The following ABCB5 variants were observed in gnomAD, a reference collection of about 807,000 sequenced individuals.
The protein encoded by ABCB5 is ATP-binding cassette sub-family B member 5.
A neutral mutation model predicts 144.2 loss-of-function variants in ABCB5; 155 were observed. That is an observed-to-expected ratio of 1.08 (90% confidence interval 0.94 to 1.23). The LOEUF is 1.23. Ranked by LOEUF, ABCB5 falls within the 50% of genes most tolerant of loss-of-function variation. The pLI is 0.00. For synonymous variants in ABCB5, 610 were observed against 528.6 expected, an observed-to-expected ratio of 1.15 and a Z score of -2.11; for missense variants, 1,830 against 1,520.8, an observed-to-expected ratio of 1.20 and a Z score of -3.38.
chr7:20,643,414 A>T, intron 6 of ABCB5, 39 bp downstream of exon 6: 1 of 1,613,312 alleles, frequency 6.2e-7, no homozygotes, highest in South Asian at 1.1e-5. Flanking sequence ...CTTTGTTTTC[A>T]TATGTGACAT....
Position 20,621,288 on chromosome 7 carries a change from A to C in ABCB5, c.-21-1977A>C, listed in dbSNP as rs1390324762. On this transcript the variant is annotated intron_variant, in intron 1 of 27. Coordinates refer to ENST00000404938, the MANE Select transcript of ABCB5 (RefSeq NM_001163941.2). ...ATAGAATTTCAGTTTGTGATGATGAAAAAGTTCTGAAGATAGATATGGTGA... is the reference window on the plus strand; with the variant it reads ...ATAGAATTTCAGTTTGTGATGATGACAAAGTTCTGAAGATAGATATGGTGA... Among the ~76,000 whole-genome samples the C allele has an allele frequency of 1.3e-5, 2 of 152,150 alleles. 1 individual carries two copies. Among genetic ancestry groups the C allele is most frequent in the South Asian group, 4.1e-4 (2 of 4,830 alleles).
intron 1 of ABCB5, among the ~76,000 whole-genome samples, chr7:20,619,539 T>A (rs1006367768): frequency 4.6e-5 from 7 of 151,234 alleles, no homozygotes; most frequent in Admixed American, 3.9e-4. Flanking sequence ...ATTTGTTTTT[T>A]TGCTTCTTGA....
At chr7:20,721,375 T>C (rs952056170) in intron 20 of ABCB5, among the ~76,000 whole-genome samples, 1 of 152,200 alleles carries the variant, frequency 6.6e-6, no homozygotes, top group African/African-American at 2.4e-5. Flanking sequence ...TGCATTGTTA[T>C]GAGATTAAAT....
intron 19 of ABCB5, among the ~76,000 whole-genome samples, chr7:20,703,393 A>T (rs74345558): frequency 1.3e-5 from 2 of 152,296 alleles, no homozygotes; most frequent in East Asian, 3.9e-4. Flanking sequence ...TAATCTCCAT[A>T]GGATGCTCTT....
At chr7:20,705,817 T>G (rs1474348677) in intron 20 of ABCB5, among the ~76,000 whole-genome samples, 2 of 151,988 alleles carry the variant, frequency 1.3e-5, no homozygotes, top group Non-Finnish European at 2.9e-5. Flanking sequence ...TTTTTTTTTT[T>G]AACTTTTGCA....
intron 5 of ABCB5, among the ~76,000 whole-genome samples, chr7:20,636,643 G>C (rs2128020822): frequency 6.6e-6 from 1 of 151,740 alleles, no homozygotes; most frequent in African/African-American, 2.4e-5. Flanking sequence ...AAATTAGCTG[G>C]GCATGGTGGT....
At chr7:20,630,225 A>C (rs1051912067) in intron 4 of ABCB5, among the ~76,000 whole-genome samples, 4 of 152,142 alleles carry the variant, frequency 2.6e-5, no homozygotes, top group African/African-American at 9.7e-5. Flanking sequence ...ATTGTTATAA[A>C]TACTTATTAT....
At chr7:20,629,145 C>CGTGTGTGTCT (rs1783976303) in intron 4 of ABCB5, among the ~76,000 whole-genome samples, 1 of 135,058 alleles carries the variant, frequency 7.4e-6, no homozygotes, top group South Asian at 2.6e-4. Flanking sequence ...AGAGAGACTG[C>CGTGTGTGTCT]GTGTGTGTGT....
rs1393529063 is a variant in ABCB5 at position 20,626,591 on chromosome 7, G to A, written c.88G>A (p.Ala30Thr). ...AGAACAGCCAAAACTGAGAAAGGAA[G>A]CAGTTGGATCTATTGAGATAGTAAG... ...AEEQPKLRKEAVGSIEIFRFA... is the reference protein window; with the variant it reads ...AEEQPKLRKETVGSIEIFRFA... Residue 30 changes from alanine to threonine, a missense_variant, in exon 3 of 28, where the codon GCA (alanine) becomes ACA (threonine). Transcript: ENST00000404938. 1.2e-6 allele frequency: 2 copies of A among 1,607,816 alleles called. No individual in the cohort carries two copies. The highest frequency in any genetic ancestry group is 3.4e-5 in the Admixed American group (2 of 59,142).
intron 16 of ABCB5, among the ~76,000 whole-genome samples, chr7:20,695,444 A>T (rs1786377863): frequency 6.6e-6 from 1 of 151,964 alleles, no homozygotes; most frequent in African/African-American, 2.4e-5. Context: ...CTTACGTAAA[A>T]CCTAAAATAA....
intron 22 of ABCB5, 110 bp from the exon 23 acceptor site, chr7:20,728,205 T>G (rs1264617464): frequency 7.6e-7 from 1 of 1,315,088 alleles, no homozygotes; most frequent in Admixed American, 2.5e-5. Context: ...AAAATGCCTT[T>G]CCACCAAATT....
chr7:20,642,615 C>T (rs1163355242), intron 5 of ABCB5, among the ~76,000 whole-genome samples: 1 of 152,208 alleles, frequency 6.6e-6, no homozygotes, highest in Non-Finnish European at 1.5e-5. Flanking sequence ...GACCCTCACA[C>T]ATAGTGGGCA....
chr7:20,670,408 A>G (rs986947859), intron 14 of ABCB5, among the ~76,000 whole-genome samples: 8 of 152,076 alleles, frequency 5.3e-5, no homozygotes, highest in African/African-American at 1.7e-4. Flanking sequence ...GGTTGACGTT[A>G]ACAGCACTAC....
intron 14 of ABCB5, among the ~76,000 whole-genome samples, chr7:20,680,401 G>C (rs1018487344): frequency 3.3e-5 from 5 of 151,824 alleles, no homozygotes; most frequent in Non-Finnish European, 7.4e-5. Flanking sequence ...TACTAAAAAT[G>C]AAAATAAAAT....
At chr7:20,705,319 G>A (rs1224802228) in intron 20 of ABCB5, among the ~76,000 whole-genome samples, 2 of 152,110 alleles carry the variant, frequency 1.3e-5, no homozygotes, top group Non-Finnish European at 2.9e-5. Flanking sequence ...CAAGATATTT[G>A]TATATATTCA....
rs1162203747 is a variant in ABCB5, at chr7:20,622,006, C to T, written c.-21-1259C>T. 4.6e-5 allele frequency among the ~76,000 whole-genome samples: 7 copies of T among 152,202 alleles called. No homozygotes were observed. The East Asian group carries it at 1.4e-3, about 29-fold the overall frequency. On this transcript the variant is annotated intron_variant, in intron 1 of 27. Transcript: ENST00000404938. ...CCCAAGTGCAGTATGACATGAAGAA[C>T]ACAACGTGCTTTACCTGGATACTAA...
intron 5 of ABCB5, among the ~76,000 whole-genome samples, chr7:20,632,702 TC>T (rs1344838455): frequency 6.6e-6 from 1 of 152,136 alleles, no homozygotes; most frequent in African/African-American, 2.4e-5. Flanking sequence ...TGAGTTCATG[TC>T]CTTTGTAGGG....
At chr7:20,745,158 T>G in intron 25 of ABCB5, 74 bp from the exon 26 acceptor site, 1 of 1,421,472 alleles carries the variant, frequency 7.0e-7, no homozygotes, top group African/African-American at 1.4e-5. Context: ...TTTGTGTGTG[T>G]TTGAATACAG....
chr7:20,637,561 C>G (rs1784190513), intron 5 of ABCB5, among the ~76,000 whole-genome samples: 1 of 151,868 alleles, frequency 6.6e-6, no homozygotes, highest in African/African-American at 2.4e-5. Context: ...GCTGGGAATA[C>G]AAGCATGAGC....
Sources: allele counts gnomAD v4.1 joint callset (sites outside exome capture counted in the v4.1 genomes callset), GRCh38; gene constraint gnomAD v4.1.1; transcripts MANE v1.5; gene names NCBI Gene and HGNC (gene_info 2026-07-23, HGNC 2026-07-21).